Variants in GPC4 observed in about 807,000 individuals in gnomAD.
The protein encoded by GPC4 is glypican-4.
In GPC4, 10 loss-of-function variants were observed where a neutral mutation model predicts 35.0. The observed-to-expected ratio is 0.29, with a 90% confidence interval of 0.18 to 0.48. The LOEUF is 0.48. Ranked by LOEUF, GPC4 falls within the 20% of genes least tolerant of loss-of-function variation. The pLI, the probability that GPC4 is intolerant of heterozygous loss-of-function variation, is 0.99. For missense variants in GPC4, 322 were observed against 451.3 expected (o/e 0.71, Z 2.60); for synonymous variants, 167 against 170.2 (o/e 0.98, Z 0.15).
intron 1 of GPC4, among the ~76,000 whole-genome samples, chrX:133,369,459 C>T (rs12010529): frequency 0.021 from 2,331 of 111,576 alleles, 63 homozygotes; most frequent in African/African-American, 0.07. Flanking sequence ...TATAGTAGTA[C>T]GATGCATTTG....
intron 1 of GPC4, among the ~76,000 whole-genome samples, chrX:133,388,449 T>C (rs1327894351): frequency 1.8e-5 from 2 of 112,311 alleles, no homozygotes; most frequent in African/African-American, 6.5e-5. Context: ...TAAGGCATGA[T>C]AGGGGATTAT....
At chrX:133,356,639 C>T (rs1424413355) in intron 1 of GPC4, among the ~76,000 whole-genome samples, 4 of 111,554 alleles carry the variant, frequency 3.6e-5, no homozygotes, top group African/African-American at 1.3e-4. Flanking sequence ...TCCCCTTCCA[C>T]CATGAGTGAA....
intron 1 of GPC4, among the ~76,000 whole-genome samples, chrX:133,404,667 C>T (rs2068779322): frequency 9.2e-6 from 1 of 108,886 alleles, no homozygotes; most frequent in Admixed American, 9.8e-5. Context: ...CCAGCCTGGC[C>T]AACATGGTGA....
chrX:133,339,888 G>A (rs1032717055), intron 1 of GPC4, among the ~76,000 whole-genome samples: 5 of 112,180 alleles, frequency 4.5e-5, no homozygotes, highest in African/African-American at 1.6e-4. Flanking sequence ...GTTTATGCTG[G>A]ATAATCTGAG....
chrX:133,348,210 T>C (rs1202375814), intron 1 of GPC4, among the ~76,000 whole-genome samples: 1 of 112,174 alleles, frequency 8.9e-6, no homozygotes, highest in Admixed American at 9.4e-5. Flanking sequence ...GGTTAATATC[T>C]GACAATCTTA....
intron 4 of GPC4, among the ~76,000 whole-genome samples, chrX:133,308,986 G>GAA (rs751235484): frequency 1.8e-3 from 130 of 73,868 alleles, no homozygotes; most frequent in African/African-American, 6.2e-3. Context: ...CTTGCAAACA[G>GAA]AAAAAAAAAA....
At chrX:133,406,747 CAAAAAA>C (rs56973194) in intron 1 of GPC4, among the ~76,000 whole-genome samples, 1 of 38,331 alleles carries the variant, frequency 2.6e-5, no homozygotes, top group Non-Finnish European at 4.6e-5. Context: ...GACTTCGTCT[CAAAAAA>C]AAAAAAAAAA....
chrX:133,365,877 T>G (rs2124155277), intron 1 of GPC4, among the ~76,000 whole-genome samples: 1 of 112,607 alleles, frequency 8.9e-6, no homozygotes, highest in Non-Finnish European at 1.9e-5. Context: ...TCACATACTT[T>G]TCTTTGCAAA....
chrX:133,324,436 T>C lies in GPC4; in HGVS notation c.420A>G (p.Lys140=). The C allele has an allele frequency of 8.3e-7, 1 of 1,210,347 alleles. No individual in the cohort carries two copies. Among genetic ancestry groups the C allele is most frequent in the Non-Finnish European group, 1.1e-6 (1 of 894,847 alleles). The change falls in exon 3 of 9, where the codon AAA becomes AAG. Residue 140 remains lysine (K), a synonymous_variant. Transcript: ENST00000370828. ...HLYMQNSELF[K]DLFVELKRYY... ...AACGTTTCAACTCTACGAAGAGATC[T>C]TTAAATAGCTCAGAATTTTGCATGT...
At chrX:133,377,706 C>A (rs2068640301) in intron 1 of GPC4, among the ~76,000 whole-genome samples, 1 of 110,085 alleles carries the variant, frequency 9.1e-6, no homozygotes, top group Non-Finnish European at 1.9e-5. Flanking sequence ...TCTTATCCTC[C>A]CCCCCTTTAA....
intron 1 of GPC4, among the ~76,000 whole-genome samples, chrX:133,346,604 A>T (rs1357763850): frequency 1.8e-5 from 2 of 111,771 alleles, no homozygotes; most frequent in Non-Finnish European, 3.8e-5. Flanking sequence ...AAACTAAGGA[A>T]ATCAAACAAA....
chrX:133,379,888 C>T (rs962240480), intron 1 of GPC4, among the ~76,000 whole-genome samples: 14 of 111,892 alleles, frequency 1.3e-4, no homozygotes, highest in Non-Finnish European at 3.8e-5. Context: ...CTGTAGACTA[C>T]AGCAATCCTA....
At position 133,414,976 on chromosome X, in the gene GPC4, G is replaced by C; in HGVS notation, c.-11C>G. On this transcript the variant is annotated 5_prime_UTR_variant, in exon 1 of 9. Coordinates refer to ENST00000370828, the MANE Select transcript of GPC4 (RefSeq NM_001448.3). ...GCCGAACCGTGCCATGGTGCGGGCC[G>C]GGGCGGACGCGTTCCCACCTTTGGG... is the stretch of plus-strand genomic sequence containing the variant. The C allele has an allele frequency of 8.3e-7, 1 of 1,205,130 alleles. No homozygotes were observed. Among genetic ancestry groups the C allele is most frequent in the Non-Finnish European group, 1.1e-6 (1 of 891,331 alleles).
At chrX:133,397,746 A>G (rs1213313948) in intron 1 of GPC4, among the ~76,000 whole-genome samples, 13 of 111,462 alleles carry the variant, frequency 1.2e-4, no homozygotes, top group Non-Finnish European at 2.1e-4. Context: ...ATTCTTAATC[A>G]GAAAACTTAC....
At chrX:133,388,954 T>C (rs1250720173) in intron 1 of GPC4, among the ~76,000 whole-genome samples, 1 of 29,580 alleles carries the variant, frequency 3.4e-5, no homozygotes, top group Non-Finnish European at 1.3e-4. Context: ...CCCATAGCCT[T>C]TTTTTTTTTT....
chrX:133,412,559 T>C (rs377575395), intron 1 of GPC4, among the ~76,000 whole-genome samples: 1 of 111,421 alleles, frequency 9.0e-6, no homozygotes, highest in East Asian at 2.8e-4. Flanking sequence ...AAAGGGGAAA[T>C]AAAAGCAGCA....
chrX:133,381,844 T>A (rs1052714332), intron 1 of GPC4, among the ~76,000 whole-genome samples: 1 of 112,239 alleles, frequency 8.9e-6, no homozygotes, highest in Non-Finnish European at 1.9e-5. Context: ...GACTATGTTG[T>A]GTTATAGTGA....
intron 2 of GPC4, among the ~76,000 whole-genome samples, chrX:133,338,127 T>C (rs1038037975): frequency 9.0e-6 from 1 of 111,280 alleles, no homozygotes; most frequent in Non-Finnish European, 1.9e-5. Context: ...AAGCCAACAT[T>C]TGAAATACAA....
chrX:133,341,913 A>G (rs2068468763), intron 1 of GPC4, among the ~76,000 whole-genome samples: 1 of 109,501 alleles, frequency 9.1e-6, no homozygotes, highest in Non-Finnish European at 1.9e-5. Flanking sequence ...TGCCACACAT[A>G]AAAGGCCCAG....
Sources: gnomAD v4.1 joint callset for allele counts (sites outside exome capture counted in the v4.1 genomes callset) on GRCh38, gnomAD v4.1.1 for gene constraint, MANE v1.5 for transcripts, NCBI Gene and HGNC (gene_info 2026-07-23, HGNC 2026-07-21) for gene names.